ZAN: variants seen among roughly 807,000 people sequenced by gnomAD.
The protein encoded by ZAN is zonadhesin (gene/pseudogene).
A neutral mutation model predicts 286.2 loss-of-function variants in ZAN; 260 were observed. The observed-to-expected ratio is 0.91, with a 90% CI of 0.82 to 1.01. ZAN has a LOEUF of 1.01. Ranked by LOEUF, ZAN falls within the 50% of genes least tolerant of loss-of-function variation. The probability of loss-of-function intolerance (pLI) is 0.00; values close to 1 mark genes in which losing one functional copy is unlikely to be tolerated. For synonymous variants in ZAN, 1,368 were observed against 1,417.5 expected, an observed-to-expected ratio of 0.97 and a Z score of 0.79; for missense variants, 3,410 against 3,639.2, an observed-to-expected ratio of 0.94 and a Z score of 1.62.
In ZAN at chr7:100,751,174, G is replaced by A. The variant is rs758267285; in HGVS notation, c.1522-8G>A. 1.0e-5 allele frequency: 16 copies of A among 1,593,100 alleles called. No individual in the cohort carries two copies. The highest frequency in any genetic ancestry group is 5.5e-5 in the Admixed American group (3 of 54,610). Reference sequence around the variant, plus strand: ...TCTCTCTCCGTCTCTCTCCCTTGTCGCCTTTAGCTTATTTTCAAGGGCATC... The same window carrying A: ...TCTCTCTCCGTCTCTCTCCCTTGTCACCTTTAGCTTATTTTCAAGGGCATC... On this transcript the variant is annotated splice_polypyrimidine_tract_variant and splice_region_variant and intron_variant, in intron 12 of 47. Coordinates refer to ENST00000613979, the MANE Select transcript of ZAN (RefSeq NM_003386.3).
At chr7:100,783,783 T>TATATACACACACAC (rs377402352) in intron 35 of ZAN, among the ~76,000 whole-genome samples, 1 of 20,488 alleles carries the variant, frequency 4.9e-5, no homozygotes, top group African/African-American at 1.4e-4. Context: ...TATATATATA[T>TATATACACACACAC]ACACATATAT....
rs58244412 is a variant in ZAN, at chr7:100,746,498, A to C, written c.767-40A>C. 4.1e-4 allele frequency: 660 copies of C among 1,608,102 alleles called. 1 individual carries two copies. In the African/African-American group the frequency reaches 8.3e-3, roughly 20 times the overall value. On this transcript the variant is annotated intron_variant, in intron 7 of 47. Coordinates refer to ENST00000613979, the MANE Select transcript of ZAN (RefSeq NM_003386.3). Reference sequence around the variant, plus strand: ...CCTATCTCTGCTGCCATCTTCCCTCAATTCCATCCACCCCAGTTCCCTGGC... The same window carrying C: ...CCTATCTCTGCTGCCATCTTCCCTCCATTCCATCCACCCCAGTTCCCTGGC...
chr7:100,748,027 C>A, intron 9 of ZAN, 110 bp from the exon 10 acceptor site: 5 of 818,652 alleles, frequency 6.1e-6, no homozygotes, highest in African/African-American at 1.7e-5. Flanking sequence ...AATTGAGGGT[C>A]TGGGCACAGG....
At chr7:100,779,315 T>C (rs1156604692) in intron 34 of ZAN, 131 bp from the exon 35 acceptor site, 3 of 883,734 alleles carry the variant, frequency 3.4e-6, no homozygotes, top group Non-Finnish European at 5.0e-6. Context: ...AAGGCAGAGG[T>C]TGCAGTGAGC....
chr7:100,788,190 G>T, intron 38 of ZAN, 54 bp downstream of exon 38: 1 of 1,428,088 alleles, frequency 7.0e-7, no homozygotes, highest in Non-Finnish European at 9.2e-7. Context: ...GACCAGGTAG[G>T]CCACCTGGAG....
chr7:100,779,271 A>G lies in ZAN; in HGVS notation c.6318-175A>G, dbSNP rs970733246. On this transcript the variant is annotated intron_variant, in intron 34 of 47. Transcript: ENST00000613979. ...GTAGTCTCAGCAACTCGGAAGGCTGAGTGAGACAGGAGAATCGCTTGAACA... is the reference window on the plus strand; with the variant it reads ...GTAGTCTCAGCAACTCGGAAGGCTGGGTGAGACAGGAGAATCGCTTGAACA... Among the ~76,000 whole-genome samples the G allele has an allele frequency of 3.3e-5, 5 of 150,552 alleles. No homozygotes were observed. The South Asian group carries it at 1.0e-3, about 32-fold the overall frequency.
At chr7:100,754,339 G>T (rs1808997316) in intron 14 of ZAN, among the ~76,000 whole-genome samples, 1 of 151,554 alleles carries the variant, frequency 6.6e-6, no homozygotes, top group Non-Finnish European at 1.5e-5. Context: ...GGTGCCTGTA[G>T]TCCCAGCTAC....
chr7:100,793,528 C>T (rs1213402146), intron 42 of ZAN, among the ~76,000 whole-genome samples: 3 of 151,888 alleles, frequency 2.0e-5, no homozygotes, highest in African/African-American at 7.3e-5. Context: ...CAACCTCCGC[C>T]TCCTGGGTTC....
Position 100,735,022 on chromosome 7 carries a change from T to A in ZAN, c.54-698T>A, listed in dbSNP as rs1386389580. Among the ~76,000 whole-genome samples the A allele has an allele frequency of 2.2e-5, 3 of 137,928 alleles. 1 individual carries two copies. Among genetic ancestry groups the A allele is most frequent in the Non-Finnish European group, 4.8e-5 (3 of 61,868 alleles). The allele number at this position is 137,928 out of a possible 152,430, so 90.5% of individuals were successfully genotyped here. On this transcript the variant is annotated intron_variant, in intron 2 of 47. Transcript: ENST00000613979. ...CAACATGGTGAAACCCTGTCTCTAC[T>A]AAAAATATAAAATTAGCCAGGCATG...
At chr7:100,768,376 G>A (rs986341640) in intron 26 of ZAN, among the ~76,000 whole-genome samples, 3 of 152,208 alleles carry the variant, frequency 2.0e-5, no homozygotes, top group Non-Finnish European at 4.4e-5. Flanking sequence ...GGAGGCTGAC[G>A]CGGGAGAATC....
rs7808311 is a variant in ZAN at position 100,789,461 on chromosome 7, C to T, written c.7357+114C>T. 23,786 of 1,496,052 alleles carry T rather than the reference C, an allele frequency of 0.016. 2,101 individuals carry two copies. In the African/African-American group the frequency reaches 0.23, roughly 14 times the overall value. 92.7% of individuals were successfully genotyped at this position (1,496,052 alleles called of 1,614,324 possible). A position where few individuals can be genotyped will look rare whatever the true frequency, so the allele number is the denominator to read the frequency against. ...GCAGACTCGGCCCGGTAGTGGGGCACCCAGCTTCAGAGGAGGACCAGGAGG... is the reference window on the plus strand; with the variant it reads ...GCAGACTCGGCCCGGTAGTGGGGCATCCAGCTTCAGAGGAGGACCAGGAGG... On this transcript the variant is annotated intron_variant, in intron 39 of 47. Coordinates refer to ENST00000613979, the MANE Select transcript of ZAN (RefSeq NM_003386.3).
rs569528616 is a variant in ZAN, at chr7:100,737,057, G to A, written c.502G>A (p.Ala168Thr). Residue 168 changes from alanine (A) to threonine (T), a missense_variant, in exon 5 of 48, where the codon GCA (alanine) becomes ACA (threonine). Physicochemically the swap from Ala to Thr is moderately conservative, Grantham distance 58 (BLOSUM62 0). Around this residue, in one of 7 missense-constraint regions of ZAN, gnomAD observed 872 missense variants for 938.9 expected, o/e 0.93. Coordinates refer to ENST00000613979, the MANE Select transcript of ZAN (RefSeq NM_003386.3). ...GATGCTCACCACCGTCACTGTGCCC[G>A]CAGGGTTCACCCTGCCCACCCGGGT... is the stretch of plus-strand genomic sequence containing the variant. ...SWMLTTVTVP[A>T]GFTLPTRLMF... is the part of the protein sequence containing the mutation. 19 of 1,497,186 alleles carry A rather than the reference G, an allele frequency of 1.3e-5. 1 individual carries two copies. The highest frequency in any genetic ancestry group is 4.2e-5 in the African/African-American group (3 of 70,776). The allele number at this position is 1,497,186 out of a possible 1,614,324, so 92.7% of individuals were successfully genotyped here. A position where few individuals can be genotyped will look rare whatever the true frequency, so the allele number is the denominator to read the frequency against.
chr7:100,773,708 C>T lies in ZAN; in HGVS notation c.5635-13C>T. 1.2e-6 allele frequency: 2 copies of T among 1,604,988 alleles called. No individual in the cohort carries two copies. Among genetic ancestry groups the T allele is most frequent in the Non-Finnish European group, 1.7e-6 (2 of 1,175,646 alleles). Reference sequence around the variant, plus strand: ...AACTTTCTGTTGGCTCAGCTGATCCCTGTGGCCCACAGGTCGGGGAGCGCT... The same window carrying T: ...AACTTTCTGTTGGCTCAGCTGATCCTTGTGGCCCACAGGTCGGGGAGCGCT... On this transcript the variant is annotated splice_polypyrimidine_tract_variant and intron_variant, in intron 30 of 47. Transcript: ENST00000613979.
chr7:100,792,198 G>T, intron 41 of ZAN, 50 bp downstream of exon 41: 1 of 1,530,924 alleles, frequency 6.5e-7, no homozygotes, highest in Middle Eastern at 2.3e-4. Context: ...GCCTGCTCTG[G>T]TCTTTCCCTG....
Position 100,775,697 on chromosome 7 carries a change from C to A in ZAN, c.6056C>A (p.Ala2019Asp). The change falls in exon 33 of 48, where the codon GCC becomes GAC. Residue 2019 changes from alanine to aspartate, a missense_variant. By Grantham distance (126) the Ala-to-Asp change is moderately radical. Coordinates refer to ENST00000613979, the MANE Select transcript of ZAN (RefSeq NM_003386.3). ...LINSKQVTLP[A>D]ISQIPGVSVK... ...AACAGCAAACAGGTCACCCTCCCCG[C>A]CATCTCCCAGATCCCTGGGGTCAGT... is the stretch of plus-strand genomic sequence containing the variant. The A allele has an allele frequency of 6.2e-7, 1 of 1,613,928 alleles. No homozygotes were observed. Among genetic ancestry groups the A allele is most frequent in the Non-Finnish European group, 8.5e-7 (1 of 1,179,872 alleles).
At chr7:100,744,194 G>A (rs1364338128) in intron 7 of ZAN, among the ~76,000 whole-genome samples, 3 of 150,240 alleles carry the variant, frequency 2.0e-5, no homozygotes, top group African/African-American at 4.9e-5. Flanking sequence ...TGCCTCTGCC[G>A]TATTTTCTTT....
chr7:100,749,697 C>T (rs1218883272), intron 11 of ZAN, among the ~76,000 whole-genome samples: 1 of 133,476 alleles, frequency 7.5e-6, no homozygotes. Context: ...CATATATATA[C>T]ACACATATAT....
intron 22 of ZAN, among the ~76,000 whole-genome samples, chr7:100,765,100 C>T (rs113350683): frequency 0.013 from 1,964 of 152,270 alleles, 25 homozygotes; most frequent in Non-Finnish European, 0.021. Context: ...TACACAGCAG[C>T]GCTGCCAGTG....
In ZAN at chr7:100,787,869, ACTGT is replaced by A. The variant is rs1811661680; in HGVS notation, c.6980-16_6980-13del. The A allele has an allele frequency of 6.8e-7, 1 of 1,471,572 alleles. No individual in the cohort carries two copies. The highest frequency in any genetic ancestry group is 1.4e-5 in the African/African-American group (1 of 72,548). The allele number at this position is 1,471,572 out of a possible 1,614,324, so 91.2% of individuals were successfully genotyped here. A position where few individuals can be genotyped will look rare whatever the true frequency, so the allele number is the denominator to read the frequency against. ...GAGCCACTGCGCCCGGCCCCTTCTC[ACTGT>A]CTGACTTCTTGGCAGAGTCTGAACA... On this transcript the variant is annotated splice_polypyrimidine_tract_variant and intron_variant, in intron 37 of 47. Coordinates refer to ENST00000613979, the MANE Select transcript of ZAN (RefSeq NM_003386.3).
Sources: allele counts gnomAD v4.1 joint callset (sites outside exome capture counted in the v4.1 genomes callset), GRCh38; gene constraint gnomAD v4.1.1; regional missense constraint gnomAD v4.1.1; transcripts MANE v1.5; gene names NCBI Gene and HGNC (gene_info 2026-07-23, HGNC 2026-07-21).